Variants in PARG observed in about 807,000 individuals in gnomAD.
PARG encodes the protein mitochondrial poly(ADP-ribose) glycohydrolase.
In PARG, 35 loss-of-function variants were observed where a neutral mutation model predicts 113.0. The ratio of observed to expected loss-of-function variants is 0.31; its 90% CI spans 0.24 to 0.41. The LOEUF (loss-of-function observed/expected upper bound fraction) is 0.41. Ranked by LOEUF, PARG falls within the 10% of genes least tolerant of loss-of-function variation. PARG has a pLI of 1.00. For missense variants in PARG, 797 were observed against 1,169.4 expected, an observed-to-expected ratio of 0.68 and a Z score of 4.64; for synonymous variants, 330 against 409.9, an observed-to-expected ratio of 0.81 and a Z score of 2.36.
In PARG at chr10:49,884,934, A is replaced by C. The variant is rs1459195593; in HGVS notation, c.1830+269T>G. Among the ~76,000 whole-genome samples, 78 of 147,672 alleles carry C rather than the reference A, an allele frequency of 5.3e-4. 1 individual carries two copies. Among genetic ancestry groups the C allele is most frequent in the Non-Finnish European group, 1.8e-4 (12 of 67,036 alleles). ...AAAGTAAACAAGCTTCAACAGTGTA[A>C]ACAGAAGCTGAGGAATGGAATGCTG... On this transcript the variant is annotated intron_variant, in intron 8 of 17. Transcript: ENST00000616448.
intron 13 of PARG, among the ~76,000 whole-genome samples, chr10:49,849,786 G>C (rs1845675275): frequency 6.6e-6 from 1 of 151,996 alleles, no homozygotes; most frequent in Non-Finnish European, 1.5e-5. Context: ...GCCGAGGCAG[G>C]AGGACTGCCT....
intron 4 of PARG, among the ~76,000 whole-genome samples, chr10:49,926,501 C>T (rs1217359714): frequency 6.6e-6 from 1 of 152,092 alleles, no homozygotes. Context: ...CTCAGACCCC[C>T]GCCAAATGGA....
Position 49,916,250 on chromosome 10 carries a change from T to A in PARG, c.1663-259A>T, listed in dbSNP as rs540720277. Among the ~76,000 whole-genome samples, 58 of 152,166 alleles carry A rather than the reference T, an allele frequency of 3.8e-4. No homozygotes were observed. The highest frequency in any genetic ancestry group is 8.5e-4 in the Admixed American group (13 of 15,266). On this transcript the variant is annotated intron_variant, in intron 6 of 17. Transcript: ENST00000616448. ...CACAATTACACCCTAAAGCATGCATTCTAAATAAGGTGATATACTCCAAAT... is the reference window on the plus strand; with the variant it reads ...CACAATTACACCCTAAAGCATGCATACTAAATAAGGTGATATACTCCAAAT...
intron 16 of PARG, among the ~76,000 whole-genome samples, chr10:49,832,599 T>A (rs1275256328): frequency 6.6e-6 from 1 of 152,174 alleles, no homozygotes; most frequent in Admixed American, 6.5e-5. Context: ...GGGATCAAAG[T>A]GATAAGCGAC....
At position 49,839,332 on chromosome 10, in the gene PARG, T is replaced by A. The variant is rs1412399411; in HGVS notation, c.2541+2618A>T. ...AGCCAGGGCAACGAGTGAAATTCCG[T>A]CTCAAAAAAAAAAAAAAAGTTATTT... On this transcript the variant is annotated intron_variant, in intron 15 of 17. Transcript: ENST00000616448. 2.4e-4 allele frequency among the ~76,000 whole-genome samples: 35 copies of A among 148,094 alleles called. 1 individual carries two copies. Among genetic ancestry groups the A allele is most frequent in the Admixed American group, 2.0e-4 (3 of 14,938 alleles).
At chr10:49,860,899 T>A (rs1365756366) in intron 12 of PARG, among the ~76,000 whole-genome samples, 21 of 152,146 alleles carry the variant, frequency 1.4e-4, no homozygotes, top group Admixed American at 1.2e-3. Flanking sequence ...TAAAGAAGCA[T>A]TATAAATCAA....
intron 7 of PARG, among the ~76,000 whole-genome samples, chr10:49,912,772 T>G (rs184801299): frequency 6.6e-6 from 1 of 152,016 alleles, no homozygotes; most frequent in African/African-American, 2.4e-5. Context: ...CAAGACCAGC[T>G]TGGGTAACAA....
intron 4 of PARG, among the ~76,000 whole-genome samples, chr10:49,925,052 C>G (rs1192390003): frequency 6.6e-6 from 1 of 152,158 alleles, no homozygotes; most frequent in African/African-American, 2.4e-5. Context: ...TGGGAGGGAT[C>G]TAAGTTGCAC....
chr10:49,856,586 T>C (rs1297759614), intron 13 of PARG, among the ~76,000 whole-genome samples: 2 of 152,260 alleles, frequency 1.3e-5, no homozygotes, highest in Non-Finnish European at 2.9e-5. Context: ...AATGTCTTCA[T>C]ACTAAAGTAC....
chr10:49,927,183 G>A (rs184715722), intron 4 of PARG, among the ~76,000 whole-genome samples: 3 of 151,750 alleles, frequency 2.0e-5, no homozygotes, highest in Non-Finnish European at 2.9e-5. Context: ...GCCGCGCGTC[G>A]GTAGTCCCAG....
At chr10:49,934,348 A>C (rs1218567969) in intron 2 of PARG, among the ~76,000 whole-genome samples, 185 bp from the exon 3 acceptor site, 2 of 152,064 alleles carry the variant, frequency 1.3e-5, no homozygotes, top group African/African-American at 4.8e-5. Flanking sequence ...TGTGTCTGGC[A>C]AACACCCGCC....
intron 13 of PARG, among the ~76,000 whole-genome samples, chr10:49,849,181 G>A (rs1464309701): frequency 6.7e-6 from 1 of 149,554 alleles, no homozygotes; most frequent in East Asian, 2.0e-4. Flanking sequence ...GGCAACAAGA[G>A]CGAAACTCCG....
chr10:49,902,835 AT>A (rs1198994376), intron 7 of PARG, among the ~76,000 whole-genome samples: 358 of 143,412 alleles, frequency 2.5e-3, no homozygotes, highest in South Asian at 2.9e-3. Context: ...TACAAAAAAA[AT>A]TTTTTTTTTT....
intron 16 of PARG, among the ~76,000 whole-genome samples, chr10:49,820,520 G>A (rs563609223): frequency 1.3e-5 from 2 of 151,910 alleles, no homozygotes; most frequent in Admixed American, 1.3e-4. Context: ...CCAGGAGTTC[G>A]AGACCAGCCT....
chr10:49,935,279 G>C, intron 1 of PARG, 137 bp from the exon 2 acceptor site: 1 of 575,262 alleles, frequency 1.7e-6, no homozygotes. Flanking sequence ...TCAAGTATAT[G>C]GGTAAGACAG....
chr10:49,838,458 A>AG (rs1699919338), intron 15 of PARG, among the ~76,000 whole-genome samples: 1 of 145,740 alleles, frequency 6.9e-6, no homozygotes, highest in East Asian at 2.0e-4. Context: ...AAAAAAAAAA[A>AG]GATTTGAAGT....
chr10:49,895,676 GATT>G (rs1401788406), intron 7 of PARG, among the ~76,000 whole-genome samples: 1 of 152,008 alleles, frequency 6.6e-6, no homozygotes, highest in Non-Finnish European at 1.5e-5. Context: ...AAAGTGCTGG[GATT>G]ACAAGTGTGA....
rs1213732392 is a variant in PARG, at chr10:49,934,175, C to G, written c.285-12G>C. ...CTTTACTATCCAAACTACAAGAGAACAGAAAGAACTAAAAACAACTTATAA... is the reference window on the plus strand; with the variant it reads ...CTTTACTATCCAAACTACAAGAGAAGAGAAAGAACTAAAAACAACTTATAA... On this transcript the variant is annotated splice_polypyrimidine_tract_variant and intron_variant, in intron 2 of 17. Transcript: ENST00000616448. 5.3e-5 allele frequency: 50 copies of G among 949,486 alleles called. No homozygotes were observed. In the African/African-American group the frequency reaches 7.0e-4, roughly 13 times the overall value. The allele number at this position is 949,486 out of a possible 1,614,324, so 58.8% of individuals were successfully genotyped here.
At chr10:49,936,734 C>T (rs1316711099) in intron 1 of PARG, among the ~76,000 whole-genome samples, 2 of 152,112 alleles carry the variant, frequency 1.3e-5, no homozygotes, top group African/African-American at 2.4e-5. Context: ...TATTTACCTA[C>T]CTCTCCTAAA....
Sources: allele counts gnomAD v4.1 joint callset (sites outside exome capture counted in the v4.1 genomes callset), GRCh38; gene constraint gnomAD v4.1.1; transcripts MANE v1.5; gene names NCBI Gene and HGNC (gene_info 2026-07-23, HGNC 2026-07-21).